The following PEX5L variants were observed in gnomAD, a reference collection of about 807,000 sequenced individuals.
PEX5L encodes the protein peroxisomal biogenesis factor 5 like.
Under a neutral mutation model 84.0 loss-of-function variants are expected in PEX5L, and 30 were observed. The ratio of observed to expected loss-of-function variants is 0.36; its 90% CI spans 0.27 to 0.48. The LOEUF (loss-of-function observed/expected upper bound fraction) is 0.48, where lower values mean the gene tolerates loss of function less well. Ranked by LOEUF, PEX5L falls within the 20% of genes least tolerant of loss-of-function variation. The pLI is 0.99. For synonymous variants in PEX5L, 270 were observed against 283.1 expected, an observed-to-expected ratio of 0.95 and a Z score of 0.46; for missense variants, 533 against 754.6, an observed-to-expected ratio of 0.71 and a Z score of 3.44.
At chr3:179,964,769 CTATT>C (rs1316280022) in intron 2 of PEX5L, among the ~76,000 whole-genome samples, 2 of 152,146 alleles carry the variant, frequency 1.3e-5, no homozygotes, top group Non-Finnish European at 2.9e-5. Context: ...GATCTTACAG[CTATT>C]TAGTCTAACT....
intron 8 of PEX5L, among the ~76,000 whole-genome samples, chr3:179,842,002 A>G (rs986057531): frequency 6.6e-6 from 1 of 152,232 alleles, no homozygotes; most frequent in African/African-American, 2.4e-5. Flanking sequence ...ACTTTAGTGG[A>G]TTTATGTAAA....
chr3:179,971,662 T>C lies in PEX5L; in HGVS notation c.25A>G (p.Ser9Gly). The change falls in exon 2 of 15, where the codon AGT becomes GGT. Residue 9 changes from serine to glycine, a missense_variant. Around this residue, in one of 8 missense-constraint regions of PEX5L, gnomAD observed 259 missense variants for 301.7 expected, o/e 0.86. Transcript: ENST00000467460. The part of the protein sequence containing the change: MYQGHMQK[S>G]KEQGYGKLSS... The stretch of plus-strand genomic sequence containing the variant: ...AGTTTTCCATATCCTTGTTCTTTAC[T>C]TTTCTTGTGAAAGAATAATTTTAAA... The C allele has an allele frequency of 6.2e-7, 1 of 1,600,380 alleles. No homozygotes were observed. The highest frequency in any genetic ancestry group is 8.5e-7 in the Non-Finnish European group (1 of 1,173,768).
intron 2 of PEX5L, among the ~76,000 whole-genome samples, chr3:179,964,958 C>G (rs1375373694): frequency 6.6e-6 from 1 of 152,238 alleles, no homozygotes; most frequent in Non-Finnish European, 1.5e-5. Flanking sequence ...GCTCACAGAG[C>G]TGGTTAATTT....
At chr3:179,898,058 G>GTTT in intron 3 of PEX5L, 84 bp downstream of exon 3, 5 of 727,100 alleles carry the variant, frequency 6.9e-6, no homozygotes, top group South Asian at 5.7e-5. Context: ...AAGAGTTAAA[G>GTTT]TTTTTTTTTT....
intron 4 of PEX5L, chr3:179,880,928 GA>G (rs1336113935): frequency 2.0e-5 from 3 of 152,206 alleles, no homozygotes; most frequent in Non-Finnish European, 4.4e-5. Context: ...GTGAGAGATA[GA>G]AAATTCAAAT....
chr3:180,008,826 C>A (rs1789164995), intron 1 of PEX5L, among the ~76,000 whole-genome samples: 1 of 152,208 alleles, frequency 6.6e-6, no homozygotes, highest in Admixed American at 6.5e-5. Context: ...TCCCACAACA[C>A]ATGGGAATTC....
Position 179,797,464 on chromosome 3 carries a change from T to C in PEX5L, c.*4364A>G, listed in dbSNP as rs1717392051. 6.6e-6 allele frequency: 1 copy of C among 152,042 alleles called. No individual in the cohort carries two copies. The highest frequency in any genetic ancestry group is 1.5e-5 in the Non-Finnish European group (1 of 68,000). The allele number at this position is 152,042 out of a possible 1,614,324, so 9.4% of individuals were successfully genotyped here. A position where few individuals can be genotyped will look rare whatever the true frequency, so the allele number is the denominator to read the frequency against. The stretch of plus-strand genomic sequence containing the variant: ...AAGTTATCTTGCATGCTTTGGTTAA[T>C]ATTTGAGTAGGCAAATTTGCAATAC... On this transcript the variant is annotated 3_prime_UTR_variant, in exon 15 of 15. Transcript: ENST00000467460.
At chr3:179,968,110 A>G (rs1198779852) in intron 2 of PEX5L, among the ~76,000 whole-genome samples, 4 of 152,140 alleles carry the variant, frequency 2.6e-5, no homozygotes, top group Non-Finnish European at 5.9e-5. Context: ...CAATACATGA[A>G]CCTGTAACTG....
At chr3:180,024,336 C>T (rs1790703356) in intron 1 of PEX5L, among the ~76,000 whole-genome samples, 1 of 121,328 alleles carries the variant, frequency 8.2e-6, no homozygotes, top group South Asian at 2.8e-4. Context: ...TGTGAAACCC[C>T]GTCCCTACTA....
chr3:179,998,273 C>T (rs1303005949), intron 1 of PEX5L, among the ~76,000 whole-genome samples: 1 of 152,192 alleles, frequency 6.6e-6, no homozygotes, highest in East Asian at 1.9e-4. Flanking sequence ...CAACACATTC[C>T]TCATTTGGGT....
chr3:179,876,198 T>C (rs1202878399), intron 5 of PEX5L, among the ~76,000 whole-genome samples: 2 of 152,052 alleles, frequency 1.3e-5, no homozygotes, highest in East Asian at 3.9e-4. Flanking sequence ...TTTTTTAGTT[T>C]ATAAAAAGAT....
intron 8 of PEX5L, among the ~76,000 whole-genome samples, chr3:179,849,850 G>C (rs542480333): frequency 3.0e-4 from 46 of 152,334 alleles, no homozygotes; most frequent in African/African-American, 9.1e-4. Flanking sequence ...CAGATTTAAA[G>C]TTAAGGGAAT....
intron 1 of PEX5L, among the ~76,000 whole-genome samples, chr3:179,998,905 A>G (rs1788133605): frequency 6.6e-6 from 1 of 152,234 alleles, no homozygotes; most frequent in Non-Finnish European, 1.5e-5. Flanking sequence ...AGAGAAGACT[A>G]GGGTCTGGTT....
At chr3:179,803,574 C>T (rs947813596) in intron 14 of PEX5L, among the ~76,000 whole-genome samples, 17 of 152,192 alleles carry the variant, frequency 1.1e-4, no homozygotes, top group African/African-American at 3.9e-4. Flanking sequence ...AGCCCCATTT[C>T]ACCCCAACCT....
intron 14 of PEX5L, among the ~76,000 whole-genome samples, 161 bp from the exon 15 acceptor site, chr3:179,802,193 T>C (rs1242304841): frequency 6.6e-6 from 1 of 152,206 alleles, no homozygotes; most frequent in Non-Finnish European, 1.5e-5. Flanking sequence ...AATTCTCTTA[T>C]ATTCTTTAGT....
chr3:179,965,939 T>A (rs1783215775), intron 2 of PEX5L, among the ~76,000 whole-genome samples: 1 of 152,150 alleles, frequency 6.6e-6, no homozygotes, highest in Admixed American at 6.5e-5. Flanking sequence ...ATTTCCCCCT[T>A]CTGTGTACAA....
In PEX5L at chr3:179,921,128, T is replaced by C. The variant is rs528518556; in HGVS notation, c.94-22882A>G. ...TAGGAAATTGTACCCTAAAAGGTGG[T>C]ACTTGGTAACATAATGGATGAAGTC... On this transcript the variant is annotated intron_variant, in intron 2 of 14. Transcript: ENST00000467460. Among the ~76,000 whole-genome samples the C allele has an allele frequency of 2.0e-5, 3 of 152,226 alleles. No homozygotes were observed. The East Asian group carries it at 5.8e-4, about 29-fold the overall frequency.
At chr3:179,963,202 G>C (rs1376835769) in intron 2 of PEX5L, among the ~76,000 whole-genome samples, 1 of 151,126 alleles carries the variant, frequency 6.6e-6, no homozygotes, top group Non-Finnish European at 1.5e-5. Context: ...AGCTAGGTGT[G>C]TGCTTGTTAC....
chr3:179,995,335 C>T lies in PEX5L; in HGVS notation c.22-23670G>A, dbSNP rs542295379. On this transcript the variant is annotated intron_variant, in intron 1 of 14. Coordinates refer to ENST00000467460, the MANE Select transcript of PEX5L (RefSeq NM_016559.3). ...GGTAACAGGAGTGGTTCTAGAGGAACAGAATATTAAGGATGGGGTTCTTTG... is the reference window on the plus strand; with the variant it reads ...GGTAACAGGAGTGGTTCTAGAGGAATAGAATATTAAGGATGGGGTTCTTTG... Among the ~76,000 whole-genome samples the T allele has an allele frequency of 1.0e-3, 152 of 149,964 alleles. 1 individual carries two copies. The highest frequency in any genetic ancestry group is 3.6e-3 in the African/African-American group (147 of 41,262).
Sources: gnomAD v4.1 joint callset for allele counts (sites outside exome capture counted in the v4.1 genomes callset) on GRCh38, gnomAD v4.1.1 for gene constraint, gnomAD v4.1.1 regional missense constraint, MANE v1.5 for transcripts, NCBI Gene and HGNC (gene_info 2026-07-23, HGNC 2026-07-21) for gene names.